Variants in MEGF10 observed in about 807,000 individuals in gnomAD.
MEGF10 encodes the protein multiple epidermal growth factor-like domains protein 10.
Under a neutral mutation model 147.5 loss-of-function variants are expected in MEGF10, and 86 were observed. The ratio of observed to expected loss-of-function variants is 0.58; its 90% CI spans 0.49 to 0.70. The LOEUF (loss-of-function observed/expected upper bound fraction) is 0.70. Ranked by LOEUF, MEGF10 falls within the 30% of genes least tolerant of loss-of-function variation. The pLI is 0.00. For missense variants in MEGF10, 1,329 were observed against 1,487.3 expected, an observed-to-expected ratio of 0.89 and a Z score of 1.75; for synonymous variants, 478 against 525.5, an observed-to-expected ratio of 0.91 and a Z score of 1.24.
intron 4 of MEGF10, among the ~76,000 whole-genome samples, chr5:127,367,887 G>T (rs1762712701): frequency 6.6e-6 from 1 of 152,134 alleles, no homozygotes; most frequent in Non-Finnish European, 1.5e-5. Flanking sequence ...TGGTGGGAGA[G>T]TCTCCTGTAC....
Position 127,376,912 on chromosome 5 carries a change from G to A in MEGF10, c.412+6910G>A, listed in dbSNP as rs142430173. On this transcript the variant is annotated intron_variant, in intron 5 of 24. Coordinates refer to ENST00000503335, the MANE Select transcript of MEGF10 (RefSeq NM_001256545.2). The stretch of plus-strand genomic sequence containing the variant: ...TTAATCACCGTGGTATGGGGCTAAC[G>A]GAAGTTGGAAAACAGGTTTACTGAA... Among the ~76,000 whole-genome samples, 749 of 152,256 alleles carry A rather than the reference G, an allele frequency of 4.9e-3. 7 individuals carry two copies. Among genetic ancestry groups the A allele is most frequent in the African/African-American group, 0.017 (709 of 41,548 alleles).
At chr5:127,338,455 G>C (rs1486483776) in intron 2 of MEGF10, among the ~76,000 whole-genome samples, 1 of 152,186 alleles carries the variant, frequency 6.6e-6, no homozygotes, top group East Asian at 1.9e-4. Context: ...AGAAGAACCT[G>C]TTAGTGAAAA....
At position 127,458,208 on chromosome 5, in the gene MEGF10, G is replaced by A. The variant is rs1458426295; in HGVS notation, c.*890G>A. The A allele has an allele frequency of 1.3e-5, 2 of 152,146 alleles. No individual in the cohort carries two copies. The highest frequency in any genetic ancestry group is 4.1e-4 in the South Asian group (2 of 4,832). The allele number at this position is 152,146 out of a possible 1,614,324, so 9.4% of individuals were successfully genotyped here. A position where few individuals can be genotyped will look rare whatever the true frequency, so the allele number is the denominator to read the frequency against. ...AATGAGTGTGTAATGATTGATAAAG[G>A]TTGTAAATTTTAAATGCAAGATGAC... On this transcript the variant is annotated 3_prime_UTR_variant, in exon 25 of 25. Coordinates refer to ENST00000503335, the MANE Select transcript of MEGF10 (RefSeq NM_001256545.2).
At chr5:127,334,572 C>T (rs1468963312) in intron 2 of MEGF10, among the ~76,000 whole-genome samples, 1 of 152,068 alleles carries the variant, frequency 6.6e-6, no homozygotes, top group East Asian at 1.9e-4. Context: ...AGAAATTGTA[C>T]ATAAAATGAA....
the MEGF10 span, among the ~76,000 whole-genome samples, chr5:127,243,909 T>C: frequency 6.6e-6 from 1 of 151,986 alleles, no homozygotes; most frequent in African/African-American, 2.4e-5. Flanking sequence ...CTATAAAGCA[T>C]TCTTCTGCTG....
At chr5:127,260,966 G>C in the MEGF10 span, among the ~76,000 whole-genome samples, 1 of 152,146 alleles carries the variant, frequency 6.6e-6, no homozygotes, top group Non-Finnish European at 1.5e-5. Context: ...CTGTAGTGCA[G>C]TTCAGTACAG....
chr5:127,440,027 C>T (rs181432110), intron 17 of MEGF10, among the ~76,000 whole-genome samples: 10 of 152,290 alleles, frequency 6.6e-5, no homozygotes, highest in Admixed American at 5.9e-4. Flanking sequence ...TTGAATCAGC[C>T]TGCATTGAAT....
the MEGF10 span, among the ~76,000 whole-genome samples, chr5:127,256,720 A>G: frequency 6.6e-6 from 1 of 152,184 alleles, no homozygotes; most frequent in Non-Finnish European, 1.5e-5. Context: ...CTTATATCAC[A>G]TGGTCTAATT....
chr5:127,301,789 GTTA>G (rs1463787225), intron 1 of MEGF10, among the ~76,000 whole-genome samples: 1 of 152,114 alleles, frequency 6.6e-6, no homozygotes, highest in East Asian at 1.9e-4. Context: ...ATATATATTA[GTTA>G]TTATTATTTA....
chr5:127,250,860 T>A, the MEGF10 span, among the ~76,000 whole-genome samples: 1 of 151,854 alleles, frequency 6.6e-6, no homozygotes, highest in Non-Finnish European at 1.5e-5. Flanking sequence ...TTCCTATATA[T>A]TATCAATAAT....
chr5:127,262,990 A>G, the MEGF10 span, among the ~76,000 whole-genome samples: 1 of 152,210 alleles, frequency 6.6e-6, no homozygotes, highest in South Asian at 2.1e-4. Context: ...AAGTAACAAT[A>G]GTAGCCATGT....
chr5:127,453,782 T>A (rs887273477), intron 22 of MEGF10, among the ~76,000 whole-genome samples: 1 of 152,238 alleles, frequency 6.6e-6, no homozygotes, highest in Non-Finnish European at 1.5e-5. Flanking sequence ...GGCTAGGTAA[T>A]GTCGTCTTAT....
chr5:127,367,859 T>C (rs1392101557), intron 4 of MEGF10, among the ~76,000 whole-genome samples: 1 of 152,178 alleles, frequency 6.6e-6, no homozygotes, highest in African/African-American at 2.4e-5. Context: ...TATTTACAGT[T>C]GGTGCCAGAG....
chr5:127,308,409 TATC>T (rs1338146665), intron 1 of MEGF10, among the ~76,000 whole-genome samples: 27 of 152,190 alleles, frequency 1.8e-4, no homozygotes, highest in Admixed American at 1.8e-3. Flanking sequence ...TCAGGCAGGC[TATC>T]ATCGAGAGCT....
At chr5:127,392,957 C>T (rs1420706648) in intron 5 of MEGF10, among the ~76,000 whole-genome samples, 2 of 152,300 alleles carry the variant, frequency 1.3e-5, no homozygotes, top group African/African-American at 4.8e-5. Context: ...AGCCCATTTC[C>T]GGCGGTTAGT....
At chr5:127,257,903 A>C in the MEGF10 span, among the ~76,000 whole-genome samples, 1 of 152,228 alleles carries the variant, frequency 6.6e-6, no homozygotes, top group African/African-American at 2.4e-5. Context: ...ACAAAGAGTA[A>C]ACAGACTTAT....
intron 13 of MEGF10, among the ~76,000 whole-genome samples, chr5:127,423,129 G>A (rs150119722): frequency 2.3e-4 from 35 of 152,272 alleles, no homozygotes; most frequent in African/African-American, 8.2e-4. Context: ...GGTCACCTTA[G>A]TGAGGCAAAA....
At chr5:127,391,098 G>GCA (rs1158697334) in intron 5 of MEGF10, among the ~76,000 whole-genome samples, 126 of 29,782 alleles carry the variant, frequency 4.2e-3, no homozygotes, top group Middle Eastern at 0.071. Flanking sequence ...GCGCGCGCGC[G>GCA]CGCGCACACA....
intron 13 of MEGF10, among the ~76,000 whole-genome samples, chr5:127,423,251 A>G (rs1057082126): frequency 3.3e-5 from 5 of 152,346 alleles, no homozygotes; most frequent in East Asian, 1.9e-4. Context: ...TTCTTTTTTT[A>G]CGATAATGTT....
Sources: allele counts gnomAD v4.1 joint callset (sites outside exome capture counted in the v4.1 genomes callset), GRCh38; gene constraint gnomAD v4.1.1; transcripts MANE v1.5; gene names NCBI Gene and HGNC (gene_info 2026-07-23, HGNC 2026-07-21).